Variants in PCDHA6 observed in about 807,000 individuals in gnomAD.
PCDHA6 encodes protocadherin alpha 6.
In PCDHA6, 55 loss-of-function variants were observed where a neutral mutation model predicts 60.3. The observed-to-expected ratio is 0.91, with a 90% CI of 0.73 to 1.14. The LOEUF (loss-of-function observed/expected upper bound fraction) is 1.14. Among genes scored for constraint, PCDHA6 ranks in the 50% most tolerant of loss-of-function variants. The pLI is 0.00. For synonymous variants in PCDHA6, 652 were observed against 557.9 expected, an observed-to-expected ratio of 1.17 and a Z score of -2.38; for missense variants, 1,327 against 1,256.5, an observed-to-expected ratio of 1.06 and a Z score of -0.85.
chr5:140,898,338 C>G (rs2066670384), intron 1 of PCDHA6, among the ~76,000 whole-genome samples: 2 of 152,188 alleles, frequency 1.3e-5, no homozygotes, highest in African/African-American at 2.4e-5. Flanking sequence ...ACGTTTAAGT[C>G]TTTAATCCAT....
intron 1 of PCDHA6, among the ~76,000 whole-genome samples, chr5:140,832,941 C>G (rs1455354845): frequency 1.3e-5 from 2 of 152,044 alleles, no homozygotes; most frequent in Non-Finnish European, 2.9e-5. Flanking sequence ...AAGAGAGTAA[C>G]TTAAGTGAGT....
chr5:140,843,436 C>G (rs2150359840), intron 1 of PCDHA6: 2 of 1,596,080 alleles, frequency 1.3e-6, no homozygotes, highest in Non-Finnish European at 8.6e-7. Flanking sequence ...TCGCCATCTG[C>G]GCGGTATCCA....
chr5:140,854,223 C>T, intron 1 of PCDHA6: 3 of 631,588 alleles, frequency 4.7e-6, no homozygotes, highest in Non-Finnish European at 5.9e-6. Context: ...TGGACATCTA[C>T]ATTGGGATAT....
intron 1 of PCDHA6, chr5:140,863,164 G>C (rs781940637): frequency 1.7e-5 from 11 of 661,132 alleles, no homozygotes; most frequent in Non-Finnish European, 3.0e-5. Context: ...CTGCGAGCTG[G>C]CGCTGACTGC....
At chr5:140,948,752 C>T (rs246047) in intron 1 of PCDHA6, among the ~76,000 whole-genome samples, 85,413 of 151,184 alleles carry the variant, frequency 0.56, 24,715 homozygotes, top group African/African-American at 0.69. Context: ...ATCAATTTTG[C>T]TGATTTTTTT....
In PCDHA6 at chr5:140,830,232, C is replaced by G. The variant is rs782042680; in HGVS notation, c.2141C>G (p.Thr714Arg). ...ICAVSSLLVL[T>R]LLLYTALRCS... ...GCGGTATCCAGCCTGCTGGTCCTCA[C>G]GCTACTGCTGTACACAGCGCTGCGG... The change falls in exon 1 of 4, where the codon ACG becomes AGG. Residue 714 changes from threonine (T) to arginine (R), a missense_variant. Transcript: ENST00000529310. 6.2e-7 allele frequency: 1 copy of G among 1,613,810 alleles called. No homozygotes were observed. Among genetic ancestry groups the G allele is most frequent in the African/African-American group, 1.3e-5 (1 of 74,938 alleles).
rs2150184212 is a variant in PCDHA6 at position 140,830,281 on chromosome 5, C to A, written c.2190C>A (p.Gly730=). ...ALRCSAPPTE[G]ACTADKPTLV... is the part of the protein sequence containing the mutation. ...GGTGCTCGGCGCCACCCACCGAGGG[C>A]GCGTGCACGGCGGACAAGCCCACGC... The change falls in exon 1 of 4, where the codon GGC becomes GGA. Residue 730 remains glycine, a synonymous_variant. Transcript: ENST00000529310. 1 of 1,613,822 alleles carries A rather than the reference C, an allele frequency of 6.2e-7. No homozygotes were observed. The highest frequency in any genetic ancestry group is 8.5e-7 in the Non-Finnish European group (1 of 1,179,856).
chr5:140,850,687 A>C lies in PCDHA6; in HGVS notation c.2394+20202A>C, dbSNP rs1159294242. The C allele has an allele frequency of 1.3e-5, 21 of 1,597,676 alleles. 1 individual carries two copies. The highest frequency in any genetic ancestry group is 3.4e-5 in the Admixed American group (2 of 59,228). ...TGCTCGGCGATGCCCACCGAGGGCG[A>C]GTGCGCGCCTGGCAAGCCGACGCTG... On this transcript the variant is annotated intron_variant, in intron 1 of 3. Transcript: ENST00000529310.
intron 1 of PCDHA6, among the ~76,000 whole-genome samples, chr5:140,898,250 A>T (rs2066615127): frequency 6.6e-6 from 1 of 152,210 alleles, no homozygotes; most frequent in South Asian, 2.1e-4. Flanking sequence ...TGTTTTAGAC[A>T]TGAAGTCCTT....
intron 1 of PCDHA6, chr5:140,850,691 C>A: frequency 1.3e-6 from 2 of 1,598,334 alleles, no homozygotes; most frequent in Non-Finnish European, 1.7e-6. Context: ...AGGGCGAGTG[C>A]GCGCCTGGCA....
chr5:140,929,414 A>C, intron 1 of PCDHA6: 1 of 1,504,422 alleles, frequency 6.6e-7, no homozygotes. Flanking sequence ...GCCTTTCACA[A>C]CATTTCATCA....
At chr5:140,989,837 T>C (rs1389244965) in intron 3 of PCDHA6, among the ~76,000 whole-genome samples, 1 of 152,120 alleles carries the variant, frequency 6.6e-6, no homozygotes, top group African/African-American at 2.4e-5. Context: ...AGCCTGTCAA[T>C]GAGTGTGTGG....
intron 1 of PCDHA6, among the ~76,000 whole-genome samples, chr5:140,977,958 C>T (rs1912706): frequency 0.036 from 5,518 of 152,194 alleles, 299 homozygotes; most frequent in African/African-American, 0.12. Context: ...AGGGCCACCT[C>T]AATCTCCGCC....
chr5:140,841,253 G>A, intron 1 of PCDHA6: 1 of 1,510,284 alleles, frequency 6.6e-7, no homozygotes, highest in Non-Finnish European at 8.9e-7. Context: ...TGGATTAAAA[G>A]ACTCTGAAAG....
intron 1 of PCDHA6, chr5:140,856,334 G>A: frequency 1.3e-6 from 2 of 1,598,614 alleles, no homozygotes; most frequent in Non-Finnish European, 1.7e-6. Context: ...GGAGCTGTGC[G>A]GGCGGAGCGT....
intron 1 of PCDHA6, chr5:140,883,659 T>A (rs2059734857): frequency 6.2e-7 from 1 of 1,612,766 alleles, no homozygotes. Flanking sequence ...ACGGTGTTCG[T>A]GAAGGAAAAC....
chr5:140,884,568 C>T (rs2060268107), intron 1 of PCDHA6: 2 of 1,614,210 alleles, frequency 1.2e-6, no homozygotes, highest in Non-Finnish European at 1.7e-6. Flanking sequence ...CCGCATAAGA[C>T]GGACCTCATG....
At chr5:140,946,452 T>C (rs2093945325) in intron 1 of PCDHA6, among the ~76,000 whole-genome samples, 1 of 151,436 alleles carries the variant, frequency 6.6e-6, no homozygotes. Flanking sequence ...AAAACAACTA[T>C]CCAGCAATCC....
At chr5:140,852,957 C>A in intron 1 of PCDHA6, 1 of 439,404 alleles carries the variant, frequency 2.3e-6, no homozygotes, top group Non-Finnish European at 3.1e-6. Flanking sequence ...TGGCTCACTC[C>A]AAGCTCCCCC....
Sources: allele counts gnomAD v4.1 joint callset (sites outside exome capture counted in the v4.1 genomes callset), GRCh38; gene constraint gnomAD v4.1.1; transcripts MANE v1.5; gene names NCBI Gene and HGNC (gene_info 2026-07-23, HGNC 2026-07-21).